The following SASH1 variants were observed in gnomAD, a reference collection of about 807,000 sequenced individuals.
SASH1 encodes the protein SAM and SH3 domain containing 1, also known as SAM and SH3 domain-containing protein 1.
A neutral mutation model predicts 125.2 loss-of-function variants in SASH1; 44 were observed. The observed-to-expected ratio is 0.35, with a 90% CI of 0.28 to 0.45. SASH1 has a LOEUF of 0.45. SASH1 is among the 20% of genes least tolerant of loss of function. The probability of loss-of-function intolerance (pLI) is 1.00; values close to 1 mark genes in which losing one functional copy is unlikely to be tolerated. For missense variants in SASH1, 1,426 were observed against 1,614.5 expected, an observed-to-expected ratio of 0.88 and a Z score of 2.00; for synonymous variants, 639 against 649.1, an observed-to-expected ratio of 0.98 and a Z score of 0.24.
intron 9 of SASH1, among the ~76,000 whole-genome samples, chr6:148,518,034 C>T (rs541532398): frequency 3.3e-5 from 5 of 152,280 alleles, no homozygotes; most frequent in East Asian, 1.9e-4. Flanking sequence ...TTAGCCCAGT[C>T]GCTTCTTCTT....
At chr6:148,417,609 A>ATAAATAAATAAATAAATAAATAAAT (rs1562393672) in intron 2 of SASH1, among the ~76,000 whole-genome samples, 1 of 151,850 alleles carries the variant, frequency 6.6e-6, no homozygotes, top group African/African-American at 2.4e-5. Flanking sequence ...AAATAAATAA[A>ATAAATAAATAAATAAATAAATAAAT]AGAGCATGTA....
chr6:148,518,382 T>G (rs1780564146), intron 9 of SASH1, among the ~76,000 whole-genome samples: 1 of 152,300 alleles, frequency 6.6e-6, no homozygotes, highest in Non-Finnish European at 1.5e-5. Flanking sequence ...GCTGTTCTTT[T>G]TTGTTGTTGT....
intron 1 of SASH1, among the ~76,000 whole-genome samples, chr6:148,346,764 C>A (rs560706003): frequency 2.0e-5 from 3 of 152,172 alleles, no homozygotes; most frequent in African/African-American, 7.2e-5. Context: ...GCAGTTTCAT[C>A]GTGCAAATTA....
intron 2 of SASH1, among the ~76,000 whole-genome samples, chr6:148,437,409 A>AG (rs1476036116): frequency 6.6e-6 from 1 of 152,244 alleles, no homozygotes; most frequent in Non-Finnish European, 1.5e-5. Flanking sequence ...CTTAAAAAAA[A>AG]CAAGTCACTA....
At chr6:148,233,740 T>TAAAAAAAAAAAAAA in the SASH1 span, among the ~76,000 whole-genome samples, 1 of 11,698 alleles carries the variant, frequency 8.5e-5, no homozygotes, top group Admixed American at 9.6e-4. Flanking sequence ...GCTTCCTCTC[T>TAAAAAAAAAAAAAA]ACAAAAAAAA....
At chr6:148,531,442 C>A in intron 12 of SASH1, 84 bp from the exon 13 acceptor site, 1 of 1,231,220 alleles carries the variant, frequency 8.1e-7, no homozygotes, top group Non-Finnish European at 1.1e-6. Context: ...TGATTGATTT[C>A]GTTGAAGGCC....
chr6:148,319,608 C>T (rs1299002105), intron 1 of SASH1, among the ~76,000 whole-genome samples: 3 of 152,028 alleles, frequency 2.0e-5, no homozygotes, highest in Non-Finnish European at 4.4e-5. Flanking sequence ...CCTCCCCTCC[C>T]GGGTTCAAGC....
chr6:148,216,738 C>CT, the SASH1 span, among the ~76,000 whole-genome samples: 107 of 148,476 alleles, frequency 7.2e-4, no homozygotes, highest in African/African-American at 1.7e-3. Context: ...TTTTCTTTTT[C>CT]TTTTTTTTTT....
rs934297732 is a variant in SASH1, at chr6:148,381,387, C to T, written c.157-8747C>T. Among the ~76,000 whole-genome samples the T allele has an allele frequency of 1.2e-4, 19 of 152,202 alleles. No individual in the cohort carries two copies. The Middle Eastern group carries it at 0.01, about 82-fold the overall frequency. Reference sequence around the variant, plus strand: ...GAGGAGAGGGAAAGTGTTTCTGCCGCGACTTTAACTCTGTCCTACCACAGA... The same window carrying T: ...GAGGAGAGGGAAAGTGTTTCTGCCGTGACTTTAACTCTGTCCTACCACAGA... On this transcript the variant is annotated intron_variant, in intron 1 of 19. Transcript: ENST00000367467.
At chr6:148,428,089 C>T (rs927022619) in intron 2 of SASH1, among the ~76,000 whole-genome samples, 4 of 152,198 alleles carry the variant, frequency 2.6e-5, no homozygotes, top group African/African-American at 4.8e-5. Context: ...ACATCCATCT[C>T]GTAACTGATC....
chr6:148,470,828 C>T (rs1466080878), intron 5 of SASH1, among the ~76,000 whole-genome samples: 1 of 151,972 alleles, frequency 6.6e-6, no homozygotes, highest in African/African-American at 2.4e-5. Context: ...ATAAGCATGC[C>T]ATAGCAAGAC....
At chr6:148,360,761 T>C (rs553310156) in intron 1 of SASH1, among the ~76,000 whole-genome samples, 4 of 152,206 alleles carry the variant, frequency 2.6e-5, no homozygotes, top group Non-Finnish European at 5.9e-5. Flanking sequence ...GCATGGACTA[T>C]GTGTTAAACA....
chr6:148,508,524 G>C, intron 8 of SASH1: 1 of 1,030,096 alleles, frequency 9.7e-7, no homozygotes, highest in Non-Finnish European at 1.2e-6. Context: ...TGTTGGCCAT[G>C]CACAACACTC....
chr6:148,262,570 G>A, the SASH1 span, among the ~76,000 whole-genome samples: 1 of 152,096 alleles, frequency 6.6e-6, no homozygotes, highest in East Asian at 1.9e-4. Context: ...TAGATCCCAG[G>A]GAGCAAGTTG....
the SASH1 span, among the ~76,000 whole-genome samples, chr6:148,231,945 G>A: frequency 5.3e-5 from 8 of 150,982 alleles, no homozygotes; most frequent in Non-Finnish European, 1.2e-4. Flanking sequence ...CTAATTAATC[G>A]TCCAACCATA....
the SASH1 span, among the ~76,000 whole-genome samples, chr6:148,229,868 C>T: frequency 2.0e-5 from 3 of 151,976 alleles, no homozygotes; most frequent in Non-Finnish European, 4.4e-5. Flanking sequence ...CATGCCACTA[C>T]ACCCAGCTAA....
At chr6:148,332,642 T>G (rs2114605349) in intron 1 of SASH1, among the ~76,000 whole-genome samples, 1 of 152,236 alleles carries the variant, frequency 6.6e-6, no homozygotes, top group African/African-American at 2.4e-5. Flanking sequence ...ACCTGATTTC[T>G]TCATTCACTT....
At position 148,534,885 on chromosome 6, in the gene SASH1, G is replaced by A; in HGVS notation, c.2079G>A (p.Leu693=). 6.2e-7 allele frequency: 1 copy of A among 1,614,114 alleles called. No homozygotes were observed. The highest frequency in any genetic ancestry group is 8.5e-7 in the Non-Finnish European group (1 of 1,179,944). ...HRAVLLTAVE[L]LQEYDSNSDQ... is the part of the protein sequence containing the mutation. ...CTGTTCTCTTGACAGCAGTGGAGCT[G>A]TTACAAGAGTATGACAGTAAGTCCC... Residue 693 remains leucine, a synonymous_variant, in exon 16 of 20, where the codon CTG becomes CTA. Transcript: ENST00000367467.
chr6:148,367,271 C>T (rs533827011), intron 1 of SASH1, among the ~76,000 whole-genome samples: 2 of 152,278 alleles, frequency 1.3e-5, no homozygotes, highest in East Asian at 1.9e-4. Flanking sequence ...AAAGTAATCG[C>T]GGTTTATAAT....
Sources: gnomAD v4.1 joint callset for allele counts (sites outside exome capture counted in the v4.1 genomes callset) on GRCh38, gnomAD v4.1.1 for gene constraint, MANE v1.5 for transcripts, NCBI Gene and HGNC (gene_info 2026-07-23, HGNC 2026-07-21) for gene names.